The following APP variants were observed in gnomAD, a reference collection of about 807,000 sequenced individuals.
The protein encoded by APP is amyloid-beta precursor protein.
In APP, 31 loss-of-function variants were observed where a neutral mutation model predicts 101.4. The ratio of observed to expected loss-of-function variants is 0.31; its 90% CI spans 0.23 to 0.41. The LOEUF (loss-of-function observed/expected upper bound fraction) is 0.41. Ranked by LOEUF, APP falls within the 10% of genes least tolerant of loss-of-function variation. The pLI, the probability that APP is intolerant of heterozygous loss-of-function variation, is 1.00. For missense variants in APP, 839 were observed against 1,003.7 expected, an observed-to-expected ratio of 0.84 and a Z score of 2.22; for synonymous variants, 366 against 364.4, an observed-to-expected ratio of 1.00 and a Z score of -0.05.
Position 26,139,879 on chromosome 21 carries a change from AAAACAAACAAACAAAC to A in APP, c.58-27749_58-27734del, listed in dbSNP as rs10617724. The stretch of plus-strand genomic sequence containing the variant: ...TGGCAACAGAGCGAGACTCCGTCTC[AAAACAAACAAACAAAC>A]AAACAAACAAACAAACAAACAAACA... On this transcript the variant is annotated intron_variant, in intron 1 of 17. Transcript: ENST00000346798. Among the ~76,000 whole-genome samples the A allele has an allele frequency of 2.4e-3, 363 of 150,288 alleles. 2 individuals carry two copies. Among genetic ancestry groups the A allele is most frequent in the Admixed American group, 4.2e-3 (64 of 15,088 alleles).
At chr21:25,947,285 T>C (rs1454142688) in intron 13 of APP, among the ~76,000 whole-genome samples, 2 of 146,190 alleles carry the variant, frequency 1.4e-5, no homozygotes, top group Non-Finnish European at 3.0e-5. Context: ...GAGCTAAACG[T>C]ATACAAAGCA....
intron 6 of APP, among the ~76,000 whole-genome samples, chr21:26,005,274 C>T (rs1222808832): frequency 6.6e-6 from 1 of 152,048 alleles, no homozygotes; most frequent in Non-Finnish European, 1.5e-5. Flanking sequence ...ATTAGCTGGG[C>T]ATGGTGGCGT....
At chr21:26,152,797 T>TA (rs1374504686) in intron 1 of APP, among the ~76,000 whole-genome samples, 2 of 152,332 alleles carry the variant, frequency 1.3e-5, no homozygotes, top group East Asian at 3.9e-4. Flanking sequence ...ACTGGGTATC[T>TA]ACCCGGAGGA....
intron 2 of APP, among the ~76,000 whole-genome samples, chr21:26,095,417 C>T (rs1043800725): frequency 1.3e-5 from 2 of 152,212 alleles, no homozygotes; most frequent in African/African-American, 2.4e-5. Flanking sequence ...TTCATCACAG[C>T]GCTTGTGTTC....
At chr21:25,888,846 T>G (rs1217368001) in intron 17 of APP, among the ~76,000 whole-genome samples, 3 of 152,084 alleles carry the variant, frequency 2.0e-5, no homozygotes, top group Admixed American at 2.0e-4. Context: ...AGGTGAGAGA[T>G]ACCATTTTCC....
At chr21:25,885,989 T>C (rs1351585107) in intron 17 of APP, among the ~76,000 whole-genome samples, 2 of 152,148 alleles carry the variant, frequency 1.3e-5, no homozygotes, top group Non-Finnish European at 2.9e-5. Context: ...CACGTTTACA[T>C]TTTATTATGT....
At chr21:26,101,095 C>CTTTTTTTTTTTTTTTTT (rs35407047) in intron 2 of APP, among the ~76,000 whole-genome samples, 1 of 79,318 alleles carries the variant, frequency 1.3e-5, no homozygotes, top group Non-Finnish European at 2.2e-5. Flanking sequence ...TTTTTTTTTC[C>CTTTTTTTTTTTTTTTTT]TTTTTTTTTT....
intron 3 of APP, among the ~76,000 whole-genome samples, chr21:26,081,435 G>A (rs1601411918): frequency 6.6e-6 from 1 of 151,994 alleles, no homozygotes; most frequent in East Asian, 1.9e-4. Context: ...CAGTGGGGGA[G>A]TTTTTGAGCC....
chr21:26,088,185 G>T (rs960695123), intron 3 of APP, among the ~76,000 whole-genome samples: 1 of 152,142 alleles, frequency 6.6e-6, no homozygotes, highest in African/African-American at 2.4e-5. Flanking sequence ...AGGGGCAAAG[G>T]AAGTGATCAA....
chr21:26,148,393 T>A (rs1391707993), intron 1 of APP, among the ~76,000 whole-genome samples: 1 of 152,094 alleles, frequency 6.6e-6, no homozygotes, highest in Admixed American at 6.5e-5. Context: ...GAACCAACAT[T>A]CTTGAGATTC....
chr21:26,099,303 G>A (rs1568973100), intron 2 of APP, among the ~76,000 whole-genome samples: 3 of 151,932 alleles, frequency 2.0e-5, no homozygotes, highest in South Asian at 4.1e-4. Flanking sequence ...TATTTTCATC[G>A]TCTCAAAGCT....
At chr21:26,023,152 T>TTA (rs370858374) in intron 5 of APP, among the ~76,000 whole-genome samples, 13 of 152,334 alleles carry the variant, frequency 8.5e-5, no homozygotes, top group African/African-American at 3.1e-4. Flanking sequence ...TACTAACTGC[T>TTA]TATGTTTTGT....
intron 5 of APP, among the ~76,000 whole-genome samples, chr21:26,028,315 C>A (rs1252759154): frequency 1.3e-5 from 2 of 152,066 alleles, no homozygotes; most frequent in Non-Finnish European, 2.9e-5. Flanking sequence ...CTGAGTGAGA[C>A]AATTCACACT....
upstream of APP, chr21:26,170,801 C>T (rs558863815): frequency 1.6e-5 from 10 of 606,764 alleles, no homozygotes; most frequent in South Asian, 1.8e-4. Context: ...GGGCTCAGAG[C>T]CAGGCGAGTC....
chr21:26,124,646 C>T (rs1033846570), intron 1 of APP, among the ~76,000 whole-genome samples: 3 of 152,176 alleles, frequency 2.0e-5, no homozygotes, highest in Admixed American at 6.5e-5. Context: ...TAACACCTAA[C>T]GTGAATGACT....
At chr21:26,141,324 TAC>T (rs963408966) in intron 1 of APP, among the ~76,000 whole-genome samples, 34 of 152,364 alleles carry the variant, frequency 2.2e-4, no homozygotes, top group African/African-American at 7.9e-4. Flanking sequence ...TGATGTATTT[TAC>T]AGTTTCTTGA....
At chr21:26,009,637 TAG>T (rs796843856) in intron 6 of APP, 6 of 150,762 alleles carry the variant, frequency 4.0e-5, no homozygotes, top group African/African-American at 1.5e-4. Context: ...TCACCCAGGC[TAG>T]AGTACAATGG....
At chr21:26,130,386 G>A (rs1220076063) in intron 1 of APP, among the ~76,000 whole-genome samples, 1 of 152,216 alleles carries the variant, frequency 6.6e-6, no homozygotes, top group African/African-American at 2.4e-5. Flanking sequence ...CTGAAGTGGT[G>A]ACACGCTGAC....
At chr21:25,918,550 G>C (rs912154441) in intron 13 of APP, among the ~76,000 whole-genome samples, 3 of 152,062 alleles carry the variant, frequency 2.0e-5, no homozygotes. Context: ...GAAGCAGGGC[G>C]AGGCATTGCC....
Sources: gnomAD v4.1 joint callset for allele counts (sites outside exome capture counted in the v4.1 genomes callset) on GRCh38, gnomAD v4.1.1 for gene constraint, MANE v1.5 for transcripts, NCBI Gene and HGNC (gene_info 2026-07-23, HGNC 2026-07-21) for gene names.